The following PTPRN2 variants were observed in gnomAD, a reference collection of about 807,000 sequenced individuals.
PTPRN2 encodes the protein receptor-type tyrosine-protein phosphatase N2.
Under a neutral mutation model 118.8 loss-of-function variants are expected in PTPRN2, and 74 were observed. The observed-to-expected ratio is 0.62, with a 90% CI of 0.52 to 0.76. The LOEUF is 0.76. Among genes scored for constraint, PTPRN2 ranks in the 30% least tolerant of loss-of-function variants. The probability of loss-of-function intolerance (pLI) is 0.00; values close to 1 mark genes in which losing one functional copy is unlikely to be tolerated. For missense variants in PTPRN2, 1,481 were observed against 1,394.4 expected (o/e 1.06, Z -0.99); for synonymous variants, 641 against 608.0 (o/e 1.05, Z -0.80).
intron 2 of PTPRN2, among the ~76,000 whole-genome samples, chr7:158,325,860 G>T (rs1803464928): frequency 6.6e-6 from 1 of 152,248 alleles, no homozygotes; most frequent in African/African-American, 2.4e-5. Context: ...ACTGTCTACA[G>T]TAAACACCAA....
intron 2 of PTPRN2, among the ~76,000 whole-genome samples, chr7:158,464,164 C>T (rs1245646704): frequency 1.2e-5 from 1 of 86,054 alleles, no homozygotes. Flanking sequence ...CCATCACCAT[C>T]ATTGCCATGC....
chr7:157,618,294 G>T lies in PTPRN2; in HGVS notation c.2344+3068C>A, dbSNP rs1240311957. On this transcript the variant is annotated intron_variant, in intron 15 of 22. Transcript: ENST00000389418. This position sits in a 1 kb window ranked among gnomAD's most constrained non-coding sequence, Gnocchi z 4.2. ...TGAGCACGCGGAAAGGACGCGGTGGGAGCGGCAGGTGCAGAGGGAGGACTT... is the reference window on the plus strand; with the variant it reads ...TGAGCACGCGGAAAGGACGCGGTGGTAGCGGCAGGTGCAGAGGGAGGACTT... 6.6e-6 allele frequency: 1 copy of T among 152,288 alleles called. No individual in the cohort carries two copies. The highest frequency in any genetic ancestry group is 6.5e-5 in the Admixed American group (1 of 15,290). The allele number at this position is 152,288 out of a possible 1,614,324, so 9.4% of individuals were successfully genotyped here.
chr7:158,334,848 G>A (rs62480934), intron 2 of PTPRN2, among the ~76,000 whole-genome samples: 179 of 7,888 alleles, frequency 0.023, 35 homozygotes, highest in Middle Eastern at 0.17. Flanking sequence ...GACACCTGCA[G>A]ACGTCACTCA....
chr7:158,229,034 G>GC, intron 3 of PTPRN2, among the ~76,000 whole-genome samples: 1 of 152,156 alleles, frequency 6.6e-6, no homozygotes, highest in South Asian at 2.1e-4. Context: ...TCAGCACGAG[G>GC]CCCCAGCCAG....
rs1010081864 is a variant in PTPRN2, at chr7:157,627,201, G to A, written c.2197-5692C>T. ...TGCAGCTGGGTCTCCTCCGGGGCGT[G>A]AGCTCCTGGTGGTCAGGGACCCCTT... On this transcript the variant is annotated intron_variant, in intron 14 of 22. Coordinates refer to ENST00000389418, the MANE Select transcript of PTPRN2 (RefSeq NM_002847.5). The surrounding 1 kb of genome is among the most constrained non-coding windows in gnomAD (Gnocchi z 4.2). 7.9e-5 allele frequency among the ~76,000 whole-genome samples: 12 copies of A among 152,232 alleles called. No individual in the cohort carries two copies. The highest frequency in any genetic ancestry group is 2.6e-4 in the Admixed American group (4 of 15,288).
At chr7:158,031,853 A>G (rs903904922) in intron 11 of PTPRN2, among the ~76,000 whole-genome samples, 4 of 152,274 alleles carry the variant, frequency 2.6e-5, no homozygotes, top group African/African-American at 9.6e-5. Flanking sequence ...CAGCAGCCTC[A>G]GGAAGATGCA....
In PTPRN2 at chr7:158,167,121, G is replaced by T; in HGVS notation, c.720C>A (p.His240Gln). The T allele has an allele frequency of 6.2e-7, 1 of 1,613,880 alleles. No homozygotes were observed. Among genetic ancestry groups the T allele is most frequent in the Non-Finnish European group, 8.5e-7 (1 of 1,179,946 alleles). The change falls in exon 6 of 23, where the codon CAC (histidine) becomes CAA (glutamine). Residue 240 changes from histidine (H) to glutamine (Q), a missense_variant. His to Gln is a conservative substitution (Grantham distance 24, BLOSUM62 0). Coordinates refer to ENST00000389418, the MANE Select transcript of PTPRN2 (RefSeq NM_002847.5). Reference sequence around the variant, plus strand: ...AGGCACTGAGGGCCGCCATCAGATGGTGTCTGTCCACACCACTGTCCACCT... The same window carrying T: ...AGGCACTGAGGGCCGCCATCAGATGTTGTCTGTCCACACCACTGTCCACCT... ...SPKVDSGVDR[H>Q]HLMAALSAYA...
intron 3 of PTPRN2, among the ~76,000 whole-genome samples, chr7:158,243,086 T>C (rs1795987881): frequency 1.3e-5 from 2 of 152,310 alleles, no homozygotes; most frequent in Middle Eastern, 3.4e-3. Flanking sequence ...CATTTCCTAG[T>C]GCCTTGGGGT....
chr7:158,540,042 A>G (rs563122462), intron 1 of PTPRN2, among the ~76,000 whole-genome samples: 1 of 152,256 alleles, frequency 6.6e-6, no homozygotes, highest in African/African-American at 2.4e-5. Context: ...GTGAGCCTGG[A>G]GCTGGGACTG....
intron 12 of PTPRN2, among the ~76,000 whole-genome samples, chr7:157,731,493 T>C (rs2952644): frequency 0.072 from 7,791 of 108,304 alleles, 731 homozygotes; most frequent in African/African-American, 0.25. Flanking sequence ...CCCTTTCCCG[T>C]CCCATGCGCC....
At chr7:157,721,419 T>C (rs1454127729) in intron 12 of PTPRN2, among the ~76,000 whole-genome samples, 1 of 152,216 alleles carries the variant, frequency 6.6e-6, no homozygotes, top group Non-Finnish European at 1.5e-5. Flanking sequence ...TCTCAAAGAA[T>C]TGTGTCCTTA....
chr7:157,819,661 G>A (rs566920564), intron 12 of PTPRN2, among the ~76,000 whole-genome samples: 3 of 152,042 alleles, frequency 2.0e-5, no homozygotes, highest in South Asian at 2.1e-4. Flanking sequence ...TTTTGGCAGC[G>A]CAGGTGCATT....
In PTPRN2 at chr7:158,413,487, GCCACTGT is replaced by G. The variant is rs1375107890; in HGVS notation, c.163+76241_163+76247del. Among the ~76,000 whole-genome samples, 5 of 152,346 alleles carry G rather than the reference GCCACTGT, an allele frequency of 3.3e-5. No individual in the cohort carries two copies. The South Asian group carries it at 1.0e-3, about 32-fold the overall frequency. On this transcript the variant is annotated intron_variant, in intron 2 of 22. Transcript: ENST00000389418. ...AGTCCTCTTCTCAACTAGGAAACTG[GCCACTGT>G]CCACTCTGGGCCTGTGACTAACACA...
At chr7:157,745,927 G>GGGCC (rs1482269630) in intron 12 of PTPRN2, among the ~76,000 whole-genome samples, 1 of 152,020 alleles carries the variant, frequency 6.6e-6, no homozygotes, top group Non-Finnish European at 1.5e-5. Context: ...ACACACCATA[G>GGGCC]TCCATACAGG....
At chr7:157,913,255 T>A (rs1798199001) in intron 11 of PTPRN2, among the ~76,000 whole-genome samples, 2 of 152,238 alleles carry the variant, frequency 1.3e-5, no homozygotes, top group Admixed American at 1.3e-4. Context: ...GACTTTTGCA[T>A]GATTTCATAT....
intron 1 of PTPRN2, among the ~76,000 whole-genome samples, chr7:158,586,531 C>A (rs556764070): frequency 7.9e-5 from 12 of 152,302 alleles, no homozygotes; most frequent in African/African-American, 2.9e-4. Flanking sequence ...ATTCTGGCCC[C>A]GAAGCCGCCT....
Position 158,509,313 on chromosome 7 carries a change from C to T in PTPRN2, c.113-19528G>A, listed in dbSNP as rs1823011038. Among the ~76,000 whole-genome samples, 1 of 152,182 alleles carries T rather than the reference C, an allele frequency of 6.6e-6. No homozygotes were observed. The highest frequency in any genetic ancestry group is 2.4e-5 in the African/African-American group (1 of 41,440). On this transcript the variant is annotated intron_variant, in intron 1 of 22. Transcript: ENST00000389418. The surrounding 1 kb of genome is among the most constrained non-coding windows in gnomAD (Gnocchi z 4.4). ...GCATCGGAAGAATGAATAGTGCTCC[C>T]TGATCCCTAACGTGCAATCGGGGCT...
chr7:157,740,210 T>C (rs1800541088), intron 12 of PTPRN2: 1 of 152,246 alleles, frequency 6.6e-6, no homozygotes, highest in Admixed American at 6.5e-5. Flanking sequence ...AGATGCAGAT[T>C]TGTTATTATG....
At chr7:158,404,138 T>C (rs1466636862) in intron 2 of PTPRN2, among the ~76,000 whole-genome samples, 1 of 152,208 alleles carries the variant, frequency 6.6e-6, no homozygotes, top group African/African-American at 2.4e-5. Flanking sequence ...AGATCAACTT[T>C]ACAAACATCG....
Sources: allele counts gnomAD v4.1 joint callset (sites outside exome capture counted in the v4.1 genomes callset), GRCh38; gene constraint gnomAD v4.1.1; non-coding constraint Gnocchi (gnomAD v3.1); transcripts MANE v1.5; gene names NCBI Gene and HGNC (gene_info 2026-07-23, HGNC 2026-07-21).